RIOK2: variants seen among roughly 807,000 people sequenced by gnomAD.
RIOK2 encodes the protein serine/threonine-protein kinase RIO2.
In RIOK2, 46 loss-of-function variants were observed where a neutral mutation model predicts 62.4. That is an observed-to-expected ratio of 0.74 (90% confidence interval 0.58 to 0.94). The LOEUF (loss-of-function observed/expected upper bound fraction) is 0.94, where lower values mean the gene tolerates loss of function less well. RIOK2 is among the 40% of genes least tolerant of loss of function. RIOK2 has a pLI of 0.00. For synonymous variants in RIOK2, 197 were observed against 216.0 expected (o/e 0.91, Z 0.77); for missense variants, 574 against 658.0 (o/e 0.87, Z 1.40).
chr5:97,182,979 T>A (rs1455379022), intron 1 of RIOK2, 147 bp downstream of exon 1: 2 of 875,562 alleles, frequency 2.3e-6, no homozygotes, highest in African/African-American at 1.6e-5. Context: ...AAAATCCGAC[T>A]TTCTGAATGC....
intron 8 of RIOK2, chr5:97,166,605 CT>C (rs1056630008): frequency 1.0e-5 from 3 of 301,216 alleles, no homozygotes; most frequent in Admixed American, 6.1e-5. Flanking sequence ...AGTTTTAGAA[CT>C]TTTCCTAATC....
intron 6 of RIOK2, 64 bp from the exon 7 acceptor site, chr5:97,168,916 T>G: frequency 1.1e-6 from 1 of 947,856 alleles, no homozygotes; most frequent in Non-Finnish European, 1.6e-6. Context: ...TATTAGCCAA[T>G]GACAATATAC....
intron 1 of RIOK2, among the ~76,000 whole-genome samples, chr5:97,182,369 G>A (rs890244897): frequency 5.3e-5 from 8 of 152,238 alleles, no homozygotes; most frequent in Non-Finnish European, 8.8e-5. Flanking sequence ...AGACTTTTCT[G>A]TCTCAAGGCC....
chr5:97,173,118 C>T, intron 5 of RIOK2, 57 bp downstream of exon 5: 1 of 1,279,378 alleles, frequency 7.8e-7, no homozygotes, highest in Non-Finnish European at 1.1e-6. Flanking sequence ...TATTAAAAAC[C>T]CTGAAACTTA....
intron 4 of RIOK2, 92 bp downstream of exon 4, chr5:97,177,024 T>C: frequency 9.6e-7 from 1 of 1,047,010 alleles, no homozygotes; most frequent in South Asian, 1.3e-5. Flanking sequence ...TAGAGAGATG[T>C]GGGGACAACA....
chr5:97,180,038 T>TATATATATAATATATATA (rs1749331767), intron 1 of RIOK2, among the ~76,000 whole-genome samples: 2 of 47,378 alleles, frequency 4.2e-5, no homozygotes, highest in African/African-American at 1.6e-4. Flanking sequence ...ATATATATAT[T>TATATATATAATATATATA]ATATATATAT....
Position 97,173,275 on chromosome 5 carries a change from C to A in RIOK2, c.499-12G>T. ...CTCTCATACAATGCCTAAAATGTTG[C>A]AAAACAGGTGTAAGCTAATGAACAG... On this transcript the variant is annotated splice_polypyrimidine_tract_variant and intron_variant, in intron 4 of 9. Transcript: ENST00000283109. 1.9e-6 allele frequency: 3 copies of A among 1,586,514 alleles called. No individual in the cohort carries two copies. Among genetic ancestry groups the A allele is most frequent in the Non-Finnish European group, 2.6e-6 (3 of 1,156,200 alleles).
chr5:97,167,967 C>CT lies in RIOK2; in HGVS notation c.896dup (p.Val300GlyfsTer14). ...CCTTTGTGTAGCCACTGGCAGAAAC[C>CT]TCCACATCAAGAGTGTCTTCTCTCC... On this transcript the variant is annotated frameshift_variant, in exon 8 of 10. Coordinates refer to ENST00000283109, the MANE Select transcript of RIOK2 (RefSeq NM_018343.3). LOFTEE classifies it high-confidence loss of function. The CT allele has an allele frequency of 6.2e-7, 1 of 1,602,774 alleles. No homozygotes were observed. The highest frequency in any genetic ancestry group is 8.5e-7 in the Non-Finnish European group (1 of 1,179,294).
In RIOK2 at chr5:97,165,152, A is replaced by T; in HGVS notation, c.1398-5T>A. 1 of 1,385,788 alleles carries T rather than the reference A, an allele frequency of 7.2e-7. No individual in the cohort carries two copies. The highest frequency in any genetic ancestry group is 9.5e-7 in the Non-Finnish European group (1 of 1,049,626). 85.8% of individuals were successfully genotyped at this position (1,385,788 alleles called of 1,614,324 possible). On this transcript the variant is annotated splice_region_variant and splice_polypyrimidine_tract_variant and intron_variant, in intron 8 of 9. Coordinates refer to ENST00000283109, the MANE Select transcript of RIOK2 (RefSeq NM_018343.3). ...GCTCCCACATTTTCTTCATCTCTAA[A>T]ATTAAAAAACCCACAATTTATCTAG...
chr5:97,180,255 G>A (rs905673322), intron 1 of RIOK2, among the ~76,000 whole-genome samples: 21 of 149,134 alleles, frequency 1.4e-4, no homozygotes, highest in African/African-American at 5.2e-4. Context: ...AGTGATAAGT[G>A]CTTAAAAAGG....
rs751010627 is a variant in RIOK2 at position 97,167,950 on chromosome 5, T to C, written c.914A>G (p.Tyr305Cys). ...TLDVEVSASG[Y>C]TKEMQADDEL... ...ATCATCTGCCTGCATTTCCTTTGTG[T>C]AGCCACTGGCAGAAACCTCCACATC... The change falls in exon 8 of 10, where the codon TAC becomes TGC. Residue 305 changes from tyrosine to cysteine, a missense_variant. By Grantham distance (194) the Tyr-to-Cys change is radical (BLOSUM62 -2). Coordinates refer to ENST00000283109, the MANE Select transcript of RIOK2 (RefSeq NM_018343.3). 2 of 1,605,730 alleles carry C rather than the reference T, an allele frequency of 1.2e-6. No homozygotes were observed. The highest frequency in any genetic ancestry group is 3.3e-5 in the Admixed American group (2 of 59,988).
chr5:97,167,901 T>A lies in RIOK2; in HGVS notation c.963A>T (p.Pro321=), dbSNP rs1192032076. 6.2e-7 allele frequency: 1 copy of A among 1,612,410 alleles called. No individual in the cohort carries two copies. The highest frequency in any genetic ancestry group is 8.5e-7 in the Non-Finnish European group (1 of 1,179,996). The part of the protein sequence containing the change: ...ADDELLHPLG[P]DDKNIETKEG... ...CTTTTGTTTCAATATTTTTATCATC[T>A]GGACCTAATGGATGAAGCAGTTCAT... The change falls in exon 8 of 10, where the codon CCA becomes CCT. Residue 321 remains proline, a synonymous_variant. Transcript: ENST00000283109.
chr5:97,162,514 T>TGTAA lies in RIOK2; in HGVS notation c.*543_*546dup, dbSNP rs1748731312. On this transcript the variant is annotated 3_prime_UTR_variant, in exon 10 of 10. Transcript: ENST00000283109. ...TCCATTCTCATGACCACATTACCAA[T>TGTAA]GTAAGTGGCACAAAACAGATTATTA... 2 of 152,614 alleles carry TGTAA rather than the reference T, an allele frequency of 1.3e-5. No homozygotes were observed. The highest frequency in any genetic ancestry group is 1.5e-5 in the Non-Finnish European group (1 of 68,374). The allele number at this position is 152,614 out of a possible 1,614,324, so 9.5% of individuals were successfully genotyped here. A position where few individuals can be genotyped will look rare whatever the true frequency, so the allele number is the denominator to read the frequency against.
At chr5:97,166,545 C>T (rs1407919422) in intron 8 of RIOK2, among the ~76,000 whole-genome samples, 2 of 152,050 alleles carry the variant, frequency 1.3e-5, no homozygotes, top group Non-Finnish European at 2.9e-5. Flanking sequence ...ACCAATATTT[C>T]ATTTAACTAC....
At chr5:97,165,005 A>T in intron 9 of RIOK2, 46 bp downstream of exon 9, 1 of 1,236,710 alleles carries the variant, frequency 8.1e-7, no homozygotes, top group Non-Finnish European at 1.2e-6. Context: ...ATCAGATCAC[A>T]GTAGTGATGT....
At position 97,167,522 on chromosome 5, in the gene RIOK2, C is replaced by T. The variant is rs761956985; in HGVS notation, c.1342G>A (p.Glu448Lys). 3.1e-6 allele frequency: 5 copies of T among 1,614,184 alleles called. No individual in the cohort carries two copies. Among genetic ancestry groups the T allele is most frequent in the Non-Finnish European group, 3.4e-6 (4 of 1,180,014 alleles). ...GACAAGGCAATTAGATGAGGGCATT[C>T]ATCTTCATACTCGTCAGAGCCAGCA... ...VPAGSDEYEDECPHLIALSSL... is the reference protein window; with the variant it reads ...VPAGSDEYEDKCPHLIALSSL... The change falls in exon 8 of 10, where the codon GAA becomes AAA. Residue 448 changes from glutamate (E) to lysine (K), a missense_variant. Glu to Lys is a moderately conservative substitution (Grantham distance 56). Coordinates refer to ENST00000283109, the MANE Select transcript of RIOK2 (RefSeq NM_018343.3).
At chr5:97,180,400 T>C (rs895659423) in intron 1 of RIOK2, among the ~76,000 whole-genome samples, 2 of 151,512 alleles carry the variant, frequency 1.3e-5, no homozygotes, top group African/African-American at 2.4e-5. Context: ...AGAAAAAGAT[T>C]TGAAAATGGC....
intron 6 of RIOK2, among the ~76,000 whole-genome samples, chr5:97,170,355 A>C (rs181079410): frequency 1.3e-5 from 2 of 152,214 alleles, no homozygotes; most frequent in Non-Finnish European, 2.9e-5. Context: ...TCAGAGATAA[A>C]GTTTTATGTG....
At chr5:97,180,142 G>GTATGTATGTATATATATA in intron 1 of RIOK2, among the ~76,000 whole-genome samples, 1 of 96,072 alleles carries the variant, frequency 1.0e-5, no homozygotes, top group Non-Finnish European at 2.0e-5. Flanking sequence ...ATATATATAT[G>GTATGTATGTATATATATA]TATATATATA....
Sources: allele counts gnomAD v4.1 joint callset (sites outside exome capture counted in the v4.1 genomes callset), GRCh38; gene constraint gnomAD v4.1.1; transcripts MANE v1.5; gene names NCBI Gene and HGNC (gene_info 2026-07-23, HGNC 2026-07-21).